Variants in ITPRID2 observed in about 807,000 individuals in gnomAD.
The protein encoded by ITPRID2 is protein ITPRID2.
A neutral mutation model predicts 124.3 loss-of-function variants in ITPRID2; 60 were observed. The ratio of observed to expected loss-of-function variants is 0.48; its 90% CI spans 0.39 to 0.60. ITPRID2 has a LOEUF of 0.60. Among genes scored for constraint, ITPRID2 ranks in the 20% least tolerant of loss-of-function variants. The pLI is 0.00. For missense variants in ITPRID2, 1,553 were observed against 1,512.2 expected (o/e 1.03, Z -0.45); for synonymous variants, 521 against 542.9 (o/e 0.96, Z 0.56).
At chr2:181,899,263 T>C in intron 6 of ITPRID2, 151 bp downstream of exon 6, 2 of 572,028 alleles carry the variant, frequency 3.5e-6, no homozygotes, top group Admixed American at 3.6e-5. Context: ...GATAGGAGCT[T>C]TTTGTTTTGT....
chr2:181,900,600 C>T (rs2125068618), intron 6 of ITPRID2, 96 bp from the exon 7 acceptor site: 1 of 873,190 alleles, frequency 1.1e-6, no homozygotes, highest in South Asian at 1.8e-5. Flanking sequence ...GATTTTATCA[C>T]AGGAAATCAG....
intron 9 of ITPRID2, among the ~76,000 whole-genome samples, chr2:181,913,060 T>C (rs954445419): frequency 6.6e-6 from 1 of 151,122 alleles, no homozygotes. Flanking sequence ...GCCTTAATTG[T>C]ATTTATTTAT....
Position 181,892,038 on chromosome 2 carries a change from G to A in ITPRID2, c.-29G>A. 6.5e-7 allele frequency: 1 copy of A among 1,545,388 alleles called. No homozygotes were observed. The highest frequency in any genetic ancestry group is 8.7e-7 in the Non-Finnish European group (1 of 1,145,056). The stretch of plus-strand genomic sequence containing the variant: ...GCCGCCTTGTCTCGCGCAGGGTCCG[G>A]CTGGGGTAGCGGAGCCCCCAGTGCG... On this transcript the variant is annotated 5_prime_UTR_variant, in exon 1 of 18. Transcript: ENST00000431877. The surrounding 1 kb of genome is among the most constrained non-coding windows in gnomAD (Gnocchi z 5.2).
intron 4 of ITPRID2, among the ~76,000 whole-genome samples, chr2:181,898,049 A>C (rs1477053676): frequency 6.6e-6 from 1 of 152,036 alleles, no homozygotes; most frequent in Non-Finnish European, 1.5e-5. Context: ...ACCAGAACCT[A>C]AAAAGGAGTC....
Position 181,892,160 on chromosome 2 carries a change from A to G in ITPRID2, c.94A>G (p.Ser32Gly). ...RRRKAWAKCRSSWQASETEDL... is the reference protein window; with the variant it reads ...RRRKAWAKCRGSWQASETEDL... ...GAGGAAGGCCTGGGCCAAGTGCCGCAGCTCCTGGCAAGCGTCGGAGACGGA... is the reference window on the plus strand; with the variant it reads ...GAGGAAGGCCTGGGCCAAGTGCCGCGGCTCCTGGCAAGCGTCGGAGACGGA... The change falls in exon 1 of 18, where the codon AGC becomes GGC. Residue 32 changes from serine (S) to glycine (G), a missense_variant. Transcript: ENST00000431877. The surrounding 1 kb of genome is among the most constrained non-coding windows in gnomAD (Gnocchi z 5.2). 1.3e-6 allele frequency: 2 copies of G among 1,555,648 alleles called. No homozygotes were observed. The highest frequency in any genetic ancestry group is 8.7e-7 in the Non-Finnish European group (1 of 1,149,774).
intron 16 of ITPRID2, among the ~76,000 whole-genome samples, chr2:181,924,970 A>G (rs1240511152): frequency 6.6e-6 from 1 of 152,250 alleles, no homozygotes; most frequent in African/African-American, 2.4e-5. Flanking sequence ...ACTTAATAGG[A>G]TGAATGAATA....
chr2:181,926,212 C>T (rs963504281), intron 16 of ITPRID2, among the ~76,000 whole-genome samples: 8 of 151,460 alleles, frequency 5.3e-5, no homozygotes, highest in Admixed American at 5.3e-4. Flanking sequence ...TGCAGTGAGC[C>T]GAGATTGCGC....
Position 181,892,392 on chromosome 2 carries a change from A to T in ITPRID2, c.211+115A>T. Reference sequence around the variant, plus strand: ...GCCTCGGGCACGGTAGGCCGAGGGGAGAGGGGACACTTCCGACCTTCAAAC... The same window carrying T: ...GCCTCGGGCACGGTAGGCCGAGGGGTGAGGGGACACTTCCGACCTTCAAAC... On this transcript the variant is annotated intron_variant, in intron 1 of 17. Transcript: ENST00000431877. The surrounding 1 kb of genome is among the most constrained non-coding windows in gnomAD (Gnocchi z 5.2). 2.3e-6 allele frequency: 3 copies of T among 1,279,968 alleles called. No homozygotes were observed. The highest frequency in any genetic ancestry group is 1.5e-5 in the South Asian group (1 of 68,544). The allele number at this position is 1,279,968 out of a possible 1,614,324, so 79.3% of individuals were successfully genotyped here. A position where few individuals can be genotyped will look rare whatever the true frequency, so the allele number is the denominator to read the frequency against.
At chr2:181,908,028 G>C (rs987421273) in intron 8 of ITPRID2, among the ~76,000 whole-genome samples, 1 of 152,154 alleles carries the variant, frequency 6.6e-6, no homozygotes, top group African/African-American at 2.4e-5. Context: ...GTTATTTTGT[G>C]ATTAATTTCA....
At chr2:181,923,912 A>G (rs1023068894) in intron 16 of ITPRID2, among the ~76,000 whole-genome samples, 1 of 152,204 alleles carries the variant, frequency 6.6e-6, no homozygotes, top group African/African-American at 2.4e-5. Flanking sequence ...GACACAGCAT[A>G]TAGAAAATTT....
At position 181,915,627 on chromosome 2, in the gene ITPRID2, C is replaced by T. The variant is rs753564617; in HGVS notation, c.1987C>T (p.Leu663=). Residue 663 remains leucine, a synonymous_variant, in exon 11 of 18, where the codon CTG becomes TTG. Coordinates refer to ENST00000431877, the MANE Select transcript of ITPRID2 (RefSeq NM_001130445.3). Reference sequence around the variant, plus strand: ...TACTCAGTATACCACACACCATATTCTGAAATCATTGGCTTCTATTGAAGC... The same window carrying T: ...TACTCAGTATACCACACACCATATTTTGAAATCATTGGCTTCTATTGAAGC... ...EFTQYTTHHI[L]KSLASIEAKC... 7.4e-6 allele frequency: 12 copies of T among 1,614,200 alleles called. No homozygotes were observed. Among genetic ancestry groups the T allele is most frequent in the Non-Finnish European group, 1.0e-5 (12 of 1,180,036 alleles).
At chr2:181,906,099 T>TAA (rs1693088963) in intron 8 of ITPRID2, among the ~76,000 whole-genome samples, 1 of 152,236 alleles carries the variant, frequency 6.6e-6, no homozygotes, top group Non-Finnish European at 1.5e-5. Flanking sequence ...TTGTTTAAGA[T>TAA]AAACATTTGC....
Position 181,922,001 on chromosome 2 carries a change from A to T in ITPRID2, c.3264A>T (p.Gly1088=). 1 of 1,614,194 alleles carries T rather than the reference A, an allele frequency of 6.2e-7. No individual in the cohort carries two copies. Among genetic ancestry groups the T allele is most frequent in the Non-Finnish European group, 8.5e-7 (1 of 1,180,030 alleles). Residue 1088 remains glycine (G), a synonymous_variant, in exon 16 of 18, where the codon GGA becomes GGT. Coordinates refer to ENST00000431877, the MANE Select transcript of ITPRID2 (RefSeq NM_001130445.3). ...QSYLKSELGL[G]LGEMGFEIPP... ...ACCTGAAGTCTGAATTGGGCCTGGGACTTGGAGAAATGGGATTTGAAATTC... is the reference window on the plus strand; with the variant it reads ...ACCTGAAGTCTGAATTGGGCCTGGGTCTTGGAGAAATGGGATTTGAAATTC...
chr2:181,926,421 T>C (rs761349762), intron 16 of ITPRID2, among the ~76,000 whole-genome samples: 2 of 151,938 alleles, frequency 1.3e-5, no homozygotes, highest in Non-Finnish European at 2.9e-5. Flanking sequence ...TTGTCAAGAA[T>C]ACATTTTGGC....
rs141526260 is a variant in ITPRID2, at chr2:181,922,081, C to T, written c.3344C>T (p.Ser1115Phe). Residue 1115 changes from serine to phenylalanine, a missense_variant, in exon 16 of 18, where the codon TCT becomes TTT. Coordinates refer to ENST00000431877, the MANE Select transcript of ITPRID2 (RefSeq NM_001130445.3). ...VFSQATSESS[S>F]VCSGPSHANR... The stretch of plus-strand genomic sequence containing the variant: ...TCCCAAGCAACATCAGAATCATCTT[C>T]TGTATGTTCTGGTCCCTCTCATGCT... The T allele has an allele frequency of 3.7e-6, 6 of 1,614,100 alleles. No individual in the cohort carries two copies. Among genetic ancestry groups the T allele is most frequent in the Non-Finnish European group, 5.1e-6 (6 of 1,180,052 alleles).
chr2:181,922,729 G>A (rs1041073149), intron 16 of ITPRID2, among the ~76,000 whole-genome samples: 5 of 152,120 alleles, frequency 3.3e-5, no homozygotes, highest in Non-Finnish European at 1.5e-5. Context: ...TACAAAATGA[G>A]GATTTACAGT....
At position 181,902,565 on chromosome 2, in the gene ITPRID2, A is replaced by G. The variant is rs1381482507; in HGVS notation, c.1413+99A>G. 3.5e-6 allele frequency: 3 copies of G among 858,810 alleles called. No homozygotes were observed. The highest frequency in any genetic ancestry group is 2.8e-5 in the East Asian group (1 of 35,866). The allele number at this position is 858,810 out of a possible 1,614,324, so 53.2% of individuals were successfully genotyped here. Reference sequence around the variant, plus strand: ...GAGAGGTAGCTAATAGATTTATACTAGAAAAATTTATTCTAATTTTGACTT... The same window carrying G: ...GAGAGGTAGCTAATAGATTTATACTGGAAAAATTTATTCTAATTTTGACTT... On this transcript the variant is annotated intron_variant, in intron 8 of 17. Transcript: ENST00000431877. The surrounding 1 kb of genome is among the most constrained non-coding windows in gnomAD (Gnocchi z 4.4).
Position 181,919,530 on chromosome 2 carries a change from C to T in ITPRID2, c.3144+84C>T, listed in dbSNP as rs949190562. On this transcript the variant is annotated intron_variant, in intron 14 of 17. Transcript: ENST00000431877. This position sits in a 1 kb window ranked among gnomAD's most constrained non-coding sequence, Gnocchi z 4.2. ...TAATTTAGGACGTGTGCCTTCATTT[C>T]AAGTCATTTATTTTAATGGTATTAA... 2.1e-6 allele frequency: 3 copies of T among 1,404,210 alleles called. No homozygotes were observed. The highest frequency in any genetic ancestry group is 2.8e-6 in the Non-Finnish European group (3 of 1,064,510). The allele number at this position is 1,404,210 out of a possible 1,614,324, so 87.0% of individuals were successfully genotyped here. A position where few individuals can be genotyped will look rare whatever the true frequency, so the allele number is the denominator to read the frequency against.
In ITPRID2 at chr2:181,901,965, A is replaced by C; in HGVS notation, c.912A>C (p.Leu304Phe). 6.2e-7 allele frequency: 1 copy of C among 1,613,946 alleles called. No homozygotes were observed. The highest frequency in any genetic ancestry group is 8.5e-7 in the Non-Finnish European group (1 of 1,179,914). The change falls in exon 8 of 18, where the codon TTA (leucine) becomes TTC (phenylalanine). Residue 304 changes from leucine to phenylalanine, a missense_variant. Transcript: ENST00000431877. Reference protein sequence around the residue: ...RLMKTLSKLNLCVDKTEKGES... With the variant: ...RLMKTLSKLNFCVDKTEKGES... ...TGAAAACACTCTCAAAACTGAATTT[A>C]TGTGTTGATAAAACAGAGAAAGGAG...
Sources: gnomAD v4.1 joint callset for allele counts (sites outside exome capture counted in the v4.1 genomes callset) on GRCh38, gnomAD v4.1.1 for gene constraint, Gnocchi (gnomAD v3.1) non-coding constraint, MANE v1.5 for transcripts, NCBI Gene and HGNC (gene_info 2026-07-23, HGNC 2026-07-21) for gene names.